The following FRMD4A variants were observed in gnomAD, a reference collection of about 807,000 sequenced individuals.
The protein encoded by FRMD4A is FERM domain containing 4A, also known as FERM domain-containing protein 4A.
In FRMD4A, 29 loss-of-function variants were observed where a neutral mutation model predicts 129.1. That is an observed-to-expected ratio of 0.22 (90% CI 0.17 to 0.31). The LOEUF is 0.31. Among genes scored for constraint, FRMD4A ranks in the 10% least tolerant of loss-of-function variants. The pLI is 1.00. For missense variants in FRMD4A, 1,272 were observed against 1,375.8 expected (o/e 0.92, Z 1.19); for synonymous variants, 634 against 571.6 (o/e 1.11, Z -1.56).
At chr10:13,851,708 T>C (rs544201962) in intron 3 of FRMD4A, among the ~76,000 whole-genome samples, 34 of 152,130 alleles carry the variant, frequency 2.2e-4, no homozygotes, top group Non-Finnish European at 4.6e-4. Context: ...GAGACTGTCC[T>C]GGCCAACATG....
chr10:13,909,897 C>T (rs12266326), intron 2 of FRMD4A, among the ~76,000 whole-genome samples: 6,498 of 152,268 alleles, frequency 0.043, 458 homozygotes, highest in African/African-American at 0.15. Flanking sequence ...TTGTTATAGA[C>T]ATGGCCAATC....
intron 14 of FRMD4A, among the ~76,000 whole-genome samples, chr10:13,700,231 A>G (rs977536357): frequency 2.0e-5 from 3 of 151,710 alleles, no homozygotes; most frequent in Non-Finnish European, 4.4e-5. Context: ...TACAGATGTG[A>G]GCCACTGTGC....
chr10:13,882,806 GT>G (rs60332129), intron 2 of FRMD4A, among the ~76,000 whole-genome samples: 17 of 125,738 alleles, frequency 1.4e-4, no homozygotes, highest in African/African-American at 5.0e-4. Context: ...TAATTTTTTG[GT>G]TTTTTTTTTT....
intron 2 of FRMD4A, among the ~76,000 whole-genome samples, chr10:13,988,599 T>C (rs1040252826): frequency 2.0e-5 from 3 of 152,142 alleles, no homozygotes; most frequent in Admixed American, 6.5e-5. Context: ...TATACATAGA[T>C]AGATGAATGG....
rs193144663 is a variant in FRMD4A, at chr10:14,205,836, T to G, written c.45+124222A>C. The stretch of plus-strand genomic sequence containing the variant: ...AAAAAAAAAAAAAAAAAAAGGGAAT[T>G]ATGTTTACTCTTGCAGGCCTCCAGG... On this transcript the variant is annotated intron_variant, in intron 2 of 24. Coordinates refer to ENST00000357447, the MANE Select transcript of FRMD4A (RefSeq NM_018027.5). 9.0e-3 allele frequency among the ~76,000 whole-genome samples: 1,333 copies of G among 148,824 alleles called. 11 individuals are homozygous for G. Among genetic ancestry groups the G allele is most frequent in the Non-Finnish European group, 0.016 (1,089 of 67,486 alleles).
chr10:13,778,106 G>T (rs901251370), intron 6 of FRMD4A, among the ~76,000 whole-genome samples: 1 of 151,924 alleles, frequency 6.6e-6, no homozygotes, highest in Non-Finnish European at 1.5e-5. Context: ...TTTTTTACTT[G>T]CCCTGCTGGA....
chr10:14,277,345 G>C (rs1845377295), intron 2 of FRMD4A, among the ~76,000 whole-genome samples: 1 of 152,238 alleles, frequency 6.6e-6, no homozygotes, highest in South Asian at 2.1e-4. Context: ...GTATTAGGAA[G>C]GGGGGCGGTT....
intron 2 of FRMD4A, among the ~76,000 whole-genome samples, chr10:14,306,456 C>T (rs937690922): frequency 1.3e-5 from 2 of 152,190 alleles, no homozygotes; most frequent in African/African-American, 4.8e-5. Flanking sequence ...ATACAGCAAA[C>T]AGCTGAGCAA....
rs920084298 is a variant in FRMD4A at position 14,184,411 on chromosome 10, C to T, written c.45+145647G>A. 3.3e-5 allele frequency among the ~76,000 whole-genome samples: 5 copies of T among 151,302 alleles called. No homozygotes were observed. The East Asian group carries it at 7.7e-4, about 23-fold the overall frequency. On this transcript the variant is annotated intron_variant, in intron 2 of 24. Transcript: ENST00000357447. ...ACAGGCGTGAGCCACTGCAACTGAA[C>T]CCATTTTCTATACCCAGCTTGTTGA...
In FRMD4A at chr10:13,645,019, G is replaced by C. The variant is rs2081032981; in HGVS notation, c.*2019C>G. ...GGGAAAGCAGGCCCTGAATTGTCTAGAGAGACTTGGTGGAGGAGGCCACGG... is the reference window on the plus strand; with the variant it reads ...GGGAAAGCAGGCCCTGAATTGTCTACAGAGACTTGGTGGAGGAGGCCACGG... On this transcript the variant is annotated 3_prime_UTR_variant, in exon 25 of 25. Transcript: ENST00000357447. The C allele has an allele frequency of 6.6e-6, 1 of 152,204 alleles. No homozygotes were observed. Among genetic ancestry groups the C allele is most frequent in the Non-Finnish European group, 1.5e-5 (1 of 68,102 alleles). 9.4% of individuals were successfully genotyped at this position (152,204 alleles called of 1,614,324 possible).
At chr10:14,043,409 AAATT>A (rs1443047544) in intron 2 of FRMD4A, among the ~76,000 whole-genome samples, 1 of 152,228 alleles carries the variant, frequency 6.6e-6, no homozygotes, top group African/African-American at 2.4e-5. Flanking sequence ...ATTTATCCAC[AAATT>A]TTTTTTCCTT....
intron 2 of FRMD4A, among the ~76,000 whole-genome samples, chr10:14,139,911 T>C (rs183914321): frequency 2.5e-4 from 38 of 152,310 alleles, no homozygotes; most frequent in African/African-American, 8.7e-4. Flanking sequence ...CTAGACAATT[T>C]AGAAACACTA....
chr10:13,990,613 C>T (rs1465009900), intron 2 of FRMD4A, among the ~76,000 whole-genome samples: 3 of 145,564 alleles, frequency 2.1e-5, no homozygotes, highest in Non-Finnish European at 3.0e-5. Context: ...AGGAACATCT[C>T]GGCCTGAAGC....
At chr10:13,808,851 T>C (rs774885897) in intron 4 of FRMD4A, among the ~76,000 whole-genome samples, 1 of 152,146 alleles carries the variant, frequency 6.6e-6, no homozygotes, top group Non-Finnish European at 1.5e-5. Context: ...ATGGCTGCAC[T>C]TTCTCTGGAT....
In FRMD4A at chr10:13,890,497, G is replaced by T. The variant is rs1229163622; in HGVS notation, c.46-31585C>A. 1.5e-5 allele frequency: 15 copies of T among 972,258 alleles called. No individual in the cohort carries two copies. In the South Asian group the frequency reaches 6.2e-4, roughly 40 times the overall value. The allele number at this position is 972,258 out of a possible 1,614,324, so 60.2% of individuals were successfully genotyped here. ...GACTTACGGATGCAGAGGTGGAAGG[G>T]GGGTACCAGCAGCTGAACCCTCAAT... On this transcript the variant is annotated intron_variant, in intron 2 of 24. Transcript: ENST00000357447.
chr10:14,179,964 G>A (rs1198861359), intron 2 of FRMD4A, among the ~76,000 whole-genome samples: 2 of 152,178 alleles, frequency 1.3e-5, no homozygotes, highest in African/African-American at 4.8e-5. Flanking sequence ...AATCCAGGAG[G>A]CGGAGGTTGC....
intron 4 of FRMD4A, among the ~76,000 whole-genome samples, chr10:13,803,164 A>AG (rs35439715): frequency 6.7e-6 from 1 of 149,612 alleles, no homozygotes; most frequent in African/African-American, 2.5e-5. Context: ...AAAAAAAAAA[A>AG]GGGACAGACC....
intron 2 of FRMD4A, among the ~76,000 whole-genome samples, chr10:14,019,221 GA>G (rs958828890): frequency 1.3e-5 from 2 of 149,638 alleles, no homozygotes; most frequent in African/African-American, 2.5e-5. Flanking sequence ...TCTCAAAAAA[GA>G]AAAAAAAAGA....
chr10:14,300,404 C>T (rs1846146840), intron 2 of FRMD4A, among the ~76,000 whole-genome samples: 1 of 152,194 alleles, frequency 6.6e-6, no homozygotes, highest in African/African-American at 2.4e-5. Context: ...GTGGTTTAGA[C>T]AGTCTGCAAT....
Sources: gnomAD v4.1 joint callset for allele counts (sites outside exome capture counted in the v4.1 genomes callset) on GRCh38, gnomAD v4.1.1 for gene constraint, MANE v1.5 for transcripts, NCBI Gene and HGNC (gene_info 2026-07-23, HGNC 2026-07-21) for gene names.